MYT1L: variants seen among roughly 807,000 people sequenced by gnomAD.
MYT1L encodes myelin transcription factor 1 like, also known as myelin transcription factor 1-like protein.
In MYT1L, 12 loss-of-function variants were observed where a neutral mutation model predicts 126.7. That is an observed-to-expected ratio of 0.09 (90% CI 0.06 to 0.15). MYT1L has a LOEUF of 0.15. Ranked by LOEUF, MYT1L falls within the 10% of genes least tolerant of loss-of-function variation. MYT1L has a pLI of 1.00. For synonymous variants in MYT1L, 541 were observed against 604.2 expected, an observed-to-expected ratio of 0.90 and a Z score of 1.53; for missense variants, 979 against 1,585.2, an observed-to-expected ratio of 0.62 and a Z score of 6.49.
At chr2:2,270,181 A>G (rs562575940) in intron 2 of MYT1L, among the ~76,000 whole-genome samples, 12 of 152,308 alleles carry the variant, frequency 7.9e-5, no homozygotes, top group Admixed American at 4.6e-4. Flanking sequence ...CCAGGGAGGG[A>G]GCCCTCGCCA....
At chr2:2,077,001 A>G (rs1213221222) in intron 3 of MYT1L, among the ~76,000 whole-genome samples, 1 of 152,206 alleles carries the variant, frequency 6.6e-6, no homozygotes, top group Admixed American at 6.5e-5. Flanking sequence ...AGAAATAGAT[A>G]TTATAAAATA....
chr2:2,267,562 A>G (rs908050869), intron 2 of MYT1L, among the ~76,000 whole-genome samples: 2 of 152,190 alleles, frequency 1.3e-5, no homozygotes, highest in East Asian at 3.8e-4. Flanking sequence ...TGGAAGCAAC[A>G]GGATTTCCTA....
intron 21 of MYT1L, among the ~76,000 whole-genome samples, chr2:1,838,597 G>A (rs186647996): frequency 1.8e-4 from 28 of 152,278 alleles, no homozygotes; most frequent in Admixed American, 1.2e-3. Flanking sequence ...TTCACTCCCC[G>A]CAGAGGGACC....
At chr2:2,267,204 A>G (rs2095153210) in intron 2 of MYT1L, among the ~76,000 whole-genome samples, 1 of 152,206 alleles carries the variant, frequency 6.6e-6, no homozygotes, top group Non-Finnish European at 1.5e-5. Context: ...GTTTGAGAAA[A>G]GGAGCAACAG....
At chr2:2,198,694 T>TA (rs2092929068) in intron 2 of MYT1L, among the ~76,000 whole-genome samples, 1 of 151,702 alleles carries the variant, frequency 6.6e-6, no homozygotes. Flanking sequence ...CCATCTCTAC[T>TA]AAAAAATACA....
At chr2:2,256,766 GT>G (rs2094824209) in intron 2 of MYT1L, among the ~76,000 whole-genome samples, 1 of 152,190 alleles carries the variant, frequency 6.6e-6, no homozygotes, top group Admixed American at 6.5e-5. Context: ...ATCCAAAGCC[GT>G]CATAAGAAGC....
Position 2,180,674 on chromosome 2 carries a change from CTG to C in MYT1L, c.-420-7688_-420-7687del, listed in dbSNP as rs556944293. Among the ~76,000 whole-genome samples, 775 of 150,360 alleles carry C rather than the reference CTG, an allele frequency of 5.2e-3. 7 individuals carry two copies. The highest frequency in any genetic ancestry group is 0.015 in the African/African-American group (629 of 40,762). ...TACCTGTGTATGCCTGTGTGTGCAC[CTG>C]TGTGTTTTTGTATGTACCTGTATGT... is the stretch of plus-strand genomic sequence containing the variant. On this transcript the variant is annotated intron_variant, in intron 2 of 24. Coordinates refer to ENST00000647738, the MANE Select transcript of MYT1L (RefSeq NM_001303052.2).
At chr2:2,116,256 A>G (rs1487388895) in intron 3 of MYT1L, among the ~76,000 whole-genome samples, 1 of 152,212 alleles carries the variant, frequency 6.6e-6, no homozygotes, top group African/African-American at 2.4e-5. Context: ...CTCCTGTGAC[A>G]AAGAAGCCTC....
At chr2:2,177,047 G>A (rs1369523814) in intron 2 of MYT1L, among the ~76,000 whole-genome samples, 2 of 152,308 alleles carry the variant, frequency 1.3e-5, no homozygotes, top group East Asian at 3.9e-4. Flanking sequence ...GTGGCTCAGA[G>A]AGGGCCGGTA....
intron 2 of MYT1L, among the ~76,000 whole-genome samples, chr2:2,206,896 T>A (rs571950875): frequency 6.6e-6 from 1 of 152,326 alleles, no homozygotes; most frequent in South Asian, 2.1e-4. Flanking sequence ...ACTGAAGGGC[T>A]ATCTAGTGTC....
At chr2:2,092,910 C>A (rs773625345) in intron 3 of MYT1L, among the ~76,000 whole-genome samples, 3 of 152,166 alleles carry the variant, frequency 2.0e-5, no homozygotes, top group Non-Finnish European at 4.4e-5. Flanking sequence ...CATCGCCCTG[C>A]CCTTTAGCAG....
At chr2:2,150,132 T>C (rs2085509267) in intron 3 of MYT1L, among the ~76,000 whole-genome samples, 1 of 152,138 alleles carries the variant, frequency 6.6e-6, no homozygotes, top group South Asian at 2.1e-4. Flanking sequence ...CCCAGATGCT[T>C]TGAATGGAGG....
At chr2:1,838,576 C>T (rs1280047225) in intron 21 of MYT1L, among the ~76,000 whole-genome samples, 3 of 152,178 alleles carry the variant, frequency 2.0e-5, no homozygotes, top group Non-Finnish European at 2.9e-5. Context: ...AGACGGGTCC[C>T]ATCCCAGGTC....
intron 23 of MYT1L, among the ~76,000 whole-genome samples, chr2:1,792,811 A>C (rs754268465): frequency 1.4e-5 from 2 of 146,070 alleles, no homozygotes; most frequent in East Asian, 4.4e-4. Flanking sequence ...CGGAGGTTGC[A>C]GTGAGCTGAG....
chr2:2,049,796 C>A (rs574283092), intron 4 of MYT1L, among the ~76,000 whole-genome samples: 150 of 152,274 alleles, frequency 9.9e-4, no homozygotes, highest in African/African-American at 3.6e-3. Flanking sequence ...CTCTTGCCTG[C>A]CGCCAGTTAA....
In MYT1L at chr2:1,848,721, G is replaced by A. The variant is rs2042832865; in HGVS notation, c.2774+2920C>T. On this transcript the variant is annotated intron_variant, in intron 19 of 24. Coordinates refer to ENST00000647738, the MANE Select transcript of MYT1L (RefSeq NM_001303052.2). The surrounding 1 kb of genome is among the most constrained non-coding windows in gnomAD (Gnocchi z 4.8). ...TGTTGGCTTCTGTCTGTCTGCAGCA[G>A]CTCATTTACACAGAACTGCACTTGT... 6.6e-6 allele frequency among the ~76,000 whole-genome samples: 1 copy of A among 152,130 alleles called. No individual in the cohort carries two copies. Among genetic ancestry groups the A allele is most frequent in the Admixed American group, 6.5e-5 (1 of 15,278 alleles).
intron 4 of MYT1L, among the ~76,000 whole-genome samples, chr2:2,031,810 C>A (rs2066312293): frequency 1.4e-5 from 2 of 142,620 alleles, no homozygotes; most frequent in African/African-American, 2.7e-5. Flanking sequence ...TGGCCCAGAG[C>A]AGATTCTAGA....
At chr2:2,189,073 T>A (rs991667941) in intron 2 of MYT1L, among the ~76,000 whole-genome samples, 3 of 152,176 alleles carry the variant, frequency 2.0e-5, no homozygotes, top group Non-Finnish European at 4.4e-5. Flanking sequence ...TCCAATCCAT[T>A]GCTTCCCCTC....
At chr2:2,301,352 C>G (rs1227588839) in intron 1 of MYT1L, among the ~76,000 whole-genome samples, 1 of 152,018 alleles carries the variant, frequency 6.6e-6, no homozygotes, top group Non-Finnish European at 1.5e-5. Context: ...TCCTATATAC[C>G]TTAGTTCACA....
Sources: gnomAD v4.1 joint callset for allele counts (sites outside exome capture counted in the v4.1 genomes callset) on GRCh38, gnomAD v4.1.1 for gene constraint, Gnocchi (gnomAD v3.1) non-coding constraint, MANE v1.5 for transcripts, NCBI Gene and HGNC (gene_info 2026-07-23, HGNC 2026-07-21) for gene names.